Variants in BACH1 observed in about 807,000 individuals in gnomAD.
BACH1 encodes BTB domain and CNC homolog 1, also known as transcription regulator protein BACH1.
A neutral mutation model predicts 52.9 loss-of-function variants in BACH1; 35 were observed. The ratio of observed to expected loss-of-function variants is 0.66; its 90% CI spans 0.51 to 0.88. BACH1 has a LOEUF of 0.88. Ranked by LOEUF, BACH1 falls within the 40% of genes least tolerant of loss-of-function variation. The pLI, the probability that BACH1 is intolerant of heterozygous loss-of-function variation, is 0.00. For missense variants in BACH1, 808 were observed against 872.6 expected (o/e 0.93, Z 0.93); for synonymous variants, 321 against 319.6 (o/e 1.00, Z -0.05).
downstream of BACH1, among the ~76,000 whole-genome samples, chr21:29,351,120 T>C (rs2089199635): frequency 6.6e-6 from 1 of 152,222 alleles, no homozygotes. Flanking sequence ...GACACCATTT[T>C]CATTCTGCAC....
intron 1 of BACH1, among the ~76,000 whole-genome samples, chr21:29,309,664 T>A (rs1173259353): frequency 6.6e-6 from 1 of 152,236 alleles, no homozygotes; most frequent in Non-Finnish European, 1.5e-5. Flanking sequence ...AATATTTTCA[T>A]TTTATCTTGA....
rs58094281 is a variant in BACH1, at chr21:29,311,248, A to G, written c.-60-9973A>G. 7.8e-3 allele frequency among the ~76,000 whole-genome samples: 1,195 copies of G among 152,254 alleles called. 17 individuals carry two copies. The highest frequency in any genetic ancestry group is 0.026 in the African/African-American group (1,082 of 41,540). On this transcript the variant is annotated intron_variant, in intron 1 of 4. Transcript: ENST00000286800. ...AGTTTTGTTAAAATCTTTTTAGTTC[A>G]GAATATTCTCTATCAAATGCCTTTT...
intron 1 of BACH1, among the ~76,000 whole-genome samples, chr21:29,318,578 A>G (rs1188203959): frequency 2.0e-5 from 3 of 152,218 alleles, no homozygotes; most frequent in Admixed American, 1.3e-4. Flanking sequence ...CTCTCAACCC[A>G]TGAGATGATG....
At chr21:29,334,090 G>T (rs981991599) in intron 4 of BACH1, among the ~76,000 whole-genome samples, 26 of 150,982 alleles carry the variant, frequency 1.7e-4, no homozygotes, top group African/African-American at 5.6e-4. Context: ...GGTTTTTTTT[G>T]TTATTTTTTT....
downstream of BACH1, among the ~76,000 whole-genome samples, chr21:29,350,100 C>T (rs188248905): frequency 1.3e-5 from 2 of 152,236 alleles, no homozygotes; most frequent in East Asian, 3.9e-4. Flanking sequence ...TCACAGCCTG[C>T]TTTAAAACCT....
intron 1 of BACH1, among the ~76,000 whole-genome samples, chr21:29,307,163 C>G (rs1379492579): frequency 6.6e-6 from 1 of 152,186 alleles, no homozygotes; most frequent in African/African-American, 2.4e-5. Flanking sequence ...CTTTAGAATG[C>G]AAATTCTTGA....
rs578168598 is a variant in BACH1 at position 29,325,162 on chromosome 21, G to A, written c.235-897G>A. 3.5e-3 allele frequency among the ~76,000 whole-genome samples: 526 copies of A among 152,204 alleles called. 7 individuals are homozygous for A. Among genetic ancestry groups the A allele is most frequent in the African/African-American group, 0.012 (490 of 41,544 alleles). ...GGAGAATGGCGTGAACCCGAGAGGCGGAGCTTGCAGTGAGCCGAGATCGCG... is the reference window on the plus strand; with the variant it reads ...GGAGAATGGCGTGAACCCGAGAGGCAGAGCTTGCAGTGAGCCGAGATCGCG... On this transcript the variant is annotated intron_variant, in intron 2 of 4. Transcript: ENST00000286800.
chr21:29,326,774 C>G lies in BACH1; in HGVS notation c.950C>G (p.Pro317Arg). The G allele has an allele frequency of 6.2e-7, 1 of 1,614,000 alleles. No homozygotes were observed. ...TPFPHNSSID[P>R]HGLYSLSLLH... is the part of the protein sequence containing the mutation. Reference sequence around the variant, plus strand: ...TTCCCCCACAATTCTTCCATAGACCCTCATGGACTTTATTCTTTGTCTCTT... The same window carrying G: ...TTCCCCCACAATTCTTCCATAGACCGTCATGGACTTTATTCTTTGTCTCTT... Residue 317 changes from proline (P) to arginine (R), a missense_variant, in exon 3 of 5, where the codon CCT becomes CGT. Physicochemically the swap from Pro to Arg is moderately radical, Grantham distance 103 (BLOSUM62 -2). Transcript: ENST00000286800.
chr21:29,338,533 C>T (rs2089072169), intron 4 of BACH1, among the ~76,000 whole-genome samples: 1 of 151,952 alleles, frequency 6.6e-6, no homozygotes, highest in Non-Finnish European at 1.5e-5. Flanking sequence ...CACCACCATG[C>T]CCGGGTAATT....
At chr21:29,348,306 G>C (rs1229021711), downstream of BACH1, among the ~76,000 whole-genome samples, 1 of 152,120 alleles carries the variant, frequency 6.6e-6, no homozygotes, top group Non-Finnish European at 1.5e-5. Context: ...AGAGTCAGAA[G>C]AGTTAACCAC....
chr21:29,311,649 C>CA (rs1381268126), intron 1 of BACH1, among the ~76,000 whole-genome samples: 1 of 152,150 alleles, frequency 6.6e-6, no homozygotes, highest in Non-Finnish European at 1.5e-5. Context: ...ACTATCCCCC[C>CA]ACATGTATTT....
chr21:29,353,617 C>T (rs2089216267), intron 2 of BACH1, among the ~76,000 whole-genome samples: 1 of 152,088 alleles, frequency 6.6e-6, no homozygotes, highest in Non-Finnish European at 1.5e-5. Context: ...GTTGAAAAGA[C>T]TAAGAAGAGT....
At chr21:29,306,582 G>A (rs2088660579) in intron 1 of BACH1, among the ~76,000 whole-genome samples, 1 of 152,130 alleles carries the variant, frequency 6.6e-6, no homozygotes, top group African/African-American at 2.4e-5. Context: ...TACTTCCTTG[G>A]AAGTTGATGG....
chr21:29,358,764 GAAAAGA>G (rs1425123233), intron 2 of BACH1, among the ~76,000 whole-genome samples: 4 of 65,822 alleles, frequency 6.1e-5, no homozygotes, highest in African/African-American at 1.7e-4. Context: ...GAAAAGAAAA[GAAAAGA>G]AAAGAAAGAA....
intron 1 of BACH1, among the ~76,000 whole-genome samples, chr21:29,313,848 G>A (rs1175055825): frequency 6.6e-6 from 1 of 152,208 alleles, no homozygotes; most frequent in Non-Finnish European, 1.5e-5. Flanking sequence ...GAAGGGGCGT[G>A]TGAAATTTTG....
intron 1 of BACH1, among the ~76,000 whole-genome samples, chr21:29,306,634 G>A (rs573080899): frequency 4.5e-4 from 69 of 152,260 alleles, no homozygotes; most frequent in African/African-American, 1.6e-3. Flanking sequence ...TCAGGGTTTG[G>A]TTAGAAAGTG....
At chr21:29,351,864 C>T (rs2089204144) in intron 2 of BACH1, 1 of 440,658 alleles carries the variant, frequency 2.3e-6, no homozygotes, top group Non-Finnish European at 4.7e-6. Flanking sequence ...CTTGTGTTTA[C>T]TAGGGCCTGG....
intron 2 of BACH1, among the ~76,000 whole-genome samples, chr21:29,357,817 C>A (rs1352671386): frequency 6.6e-6 from 1 of 152,312 alleles, no homozygotes; most frequent in East Asian, 1.9e-4. Flanking sequence ...TGAGTTTGTT[C>A]CTTCCAATGC....
intron 1 of BACH1, among the ~76,000 whole-genome samples, chr21:29,308,450 GTTTTA>G (rs2088683236): frequency 2.0e-5 from 3 of 152,012 alleles, no homozygotes; most frequent in African/African-American, 4.8e-5. Flanking sequence ...GGTAACTTCT[GTTTTA>G]TTTAATTAAA....
Sources: gnomAD v4.1 joint callset for allele counts (sites outside exome capture counted in the v4.1 genomes callset) on GRCh38, gnomAD v4.1.1 for gene constraint, MANE v1.5 for transcripts, NCBI Gene and HGNC (gene_info 2026-07-23, HGNC 2026-07-21) for gene names.